Variants in BCAS1 observed in about 807,000 individuals in gnomAD.
The protein encoded by BCAS1 is breast carcinoma-amplified sequence 1.
In BCAS1, 46 loss-of-function variants were observed where a neutral mutation model predicts 65.4. The ratio of observed to expected loss-of-function variants is 0.70; its 90% CI spans 0.55 to 0.90. BCAS1 has a LOEUF of 0.90. BCAS1 is among the 40% of genes least tolerant of loss of function. BCAS1 has a pLI of 0.00. For synonymous variants in BCAS1, 298 were observed against 293.5 expected (o/e 1.02, Z -0.16); for missense variants, 793 against 771.2 (o/e 1.03, Z -0.33).
intron 8 of BCAS1, among the ~76,000 whole-genome samples, chr20:53,981,262 A>G: frequency 6.6e-6 from 1 of 152,224 alleles, no homozygotes; most frequent in Non-Finnish European, 1.5e-5. Flanking sequence ...TGGTCAGCCC[A>G]TCTTTCAAGT....
intron 1 of BCAS1, among the ~76,000 whole-genome samples, chr20:54,063,982 G>A (rs201486516): frequency 6.7e-6 from 1 of 149,636 alleles, no homozygotes; most frequent in Non-Finnish European, 1.5e-5. Flanking sequence ...AACATACGAA[G>A]CTATGGTGGG....
At chr20:54,058,962 G>A (rs373219714) in intron 1 of BCAS1, among the ~76,000 whole-genome samples, 103 of 152,270 alleles carry the variant, frequency 6.8e-4, no homozygotes, top group Non-Finnish European at 3.7e-4. Context: ...TGGGGAGACC[G>A]CAGGAAACTT....
At chr20:54,047,128 C>T (rs371323371) in intron 3 of BCAS1, among the ~76,000 whole-genome samples, 1 of 152,338 alleles carries the variant, frequency 6.6e-6, no homozygotes, top group South Asian at 2.1e-4. Context: ...GGGTACCTCT[C>T]TCTTGCCTCA....
At chr20:54,026,414 G>A (rs1316418773) in intron 4 of BCAS1, among the ~76,000 whole-genome samples, 7 of 152,192 alleles carry the variant, frequency 4.6e-5, no homozygotes, top group Non-Finnish European at 2.9e-5. Flanking sequence ...TAGATTGAGT[G>A]TGTCGAGGTT....
intron 3 of BCAS1, among the ~76,000 whole-genome samples, chr20:54,044,920 A>G (rs762061360): frequency 6.6e-6 from 1 of 152,056 alleles, no homozygotes; most frequent in Non-Finnish European, 1.5e-5. Flanking sequence ...GTTTAAAAAT[A>G]CTTATGCCAG....
intron 10 of BCAS1, among the ~76,000 whole-genome samples, chr20:53,963,906 A>C (rs1020864103): frequency 2.0e-5 from 3 of 152,256 alleles, no homozygotes; most frequent in Non-Finnish European, 4.4e-5. Context: ...ATCTTCATAC[A>C]GGCTTGCGAA....
At chr20:53,960,669 C>CTTCCTTCCTTCCTTCCTTCT (rs909764905) in intron 10 of BCAS1, among the ~76,000 whole-genome samples, 1 of 150,348 alleles carries the variant, frequency 6.7e-6, no homozygotes, top group Non-Finnish European at 1.5e-5. Flanking sequence ...CAACTGTTTC[C>CTTCCTTCCTTCCTTCCTTCT]TTCCTTCCTT....
chr20:53,967,925 CCTTT>C (rs1308493220), intron 9 of BCAS1, among the ~76,000 whole-genome samples: 9 of 152,220 alleles, frequency 5.9e-5, no homozygotes, highest in African/African-American at 2.2e-4. Context: ...TTTTTAATTT[CCTTT>C]GTTTCCTCAG....
At chr20:54,017,398 TC>T (rs1383231377) in intron 4 of BCAS1, among the ~76,000 whole-genome samples, 1 of 131,714 alleles carries the variant, frequency 7.6e-6, no homozygotes, top group Non-Finnish European at 1.6e-5. Flanking sequence ...TTTTTTCTTT[TC>T]TTTTTTTTTT....
chr20:53,993,307 C>T (rs750679408), intron 6 of BCAS1, among the ~76,000 whole-genome samples: 3 of 152,094 alleles, frequency 2.0e-5, no homozygotes, highest in East Asian at 1.9e-4. Flanking sequence ...CAGGGACTTT[C>T]GTGTAGGGAA....
chr20:54,067,969 GAACA>G (rs1398247695), intron 1 of BCAS1, among the ~76,000 whole-genome samples: 1 of 152,212 alleles, frequency 6.6e-6, no homozygotes, highest in East Asian at 1.9e-4. Flanking sequence ...CAGGAGGAAA[GAACA>G]ACCCCGCTTT....
Position 54,021,173 on chromosome 20 carries a change from C to T in BCAS1, c.723+7219G>A, listed in dbSNP as rs192284702. Among the ~76,000 whole-genome samples the T allele has an allele frequency of 4.6e-5, 7 of 152,206 alleles. No individual in the cohort carries two copies. The East Asian group carries it at 1.2e-3, about 25-fold the overall frequency. On this transcript the variant is annotated intron_variant, in intron 4 of 12. Coordinates refer to ENST00000688948, the MANE Select transcript of BCAS1 (RefSeq NM_001366298.2). ...AGCTATTTGCACCTTGACACAGACA[C>T]GTGACTCAATTTCACCAAAGGGCTC... is the stretch of plus-strand genomic sequence containing the variant.
intron 9 of BCAS1, among the ~76,000 whole-genome samples, chr20:53,973,606 CAAAGCT>C (rs1464835139): frequency 2.0e-5 from 3 of 152,186 alleles, no homozygotes; most frequent in Admixed American, 2.0e-4. Context: ...CTCAGAACCT[CAAAGCT>C]AACAGATGCT....
At chr20:54,026,194 T>C (rs919683076) in intron 4 of BCAS1, among the ~76,000 whole-genome samples, 4 of 152,196 alleles carry the variant, frequency 2.6e-5, no homozygotes, top group African/African-American at 7.2e-5. Flanking sequence ...TGAGAGATCA[T>C]TATAACTTGA....
chr20:54,042,834 T>C (rs2092024444), intron 3 of BCAS1, among the ~76,000 whole-genome samples: 1 of 152,244 alleles, frequency 6.6e-6, no homozygotes, highest in South Asian at 2.1e-4. Flanking sequence ...ACACTTGACC[T>C]ATTTCCCAAT....
intron 4 of BCAS1, among the ~76,000 whole-genome samples, chr20:54,009,056 G>A (rs2091266111): frequency 6.6e-6 from 1 of 152,128 alleles, no homozygotes; most frequent in Non-Finnish European, 1.5e-5. Flanking sequence ...CAAGTGATCT[G>A]CCCGCCTTGG....
intron 9 of BCAS1, among the ~76,000 whole-genome samples, chr20:53,969,219 A>G (rs770481580): frequency 6.6e-6 from 1 of 152,128 alleles, no homozygotes; most frequent in Non-Finnish European, 1.5e-5. Flanking sequence ...AGTTGTCTGC[A>G]TATTAAATCA....
intron 11 of BCAS1, among the ~76,000 whole-genome samples, chr20:53,954,064 A>C (rs1600696488): frequency 6.6e-6 from 1 of 152,186 alleles, no homozygotes; most frequent in East Asian, 1.9e-4. Context: ...GGCCTGACTA[A>C]TCAGAGCATT....
At chr20:53,964,473 A>G (rs1387660378) in intron 10 of BCAS1, among the ~76,000 whole-genome samples, 1 of 152,226 alleles carries the variant, frequency 6.6e-6, no homozygotes, top group African/African-American at 2.4e-5. Flanking sequence ...TGCAAAGATA[A>G]TGTTCGTGTT....
Sources: gnomAD v4.1 joint callset for allele counts (sites outside exome capture counted in the v4.1 genomes callset) on GRCh38, gnomAD v4.1.1 for gene constraint, MANE v1.5 for transcripts, NCBI Gene and HGNC (gene_info 2026-07-23, HGNC 2026-07-21) for gene names.